The following TNFSF4 variants were observed in gnomAD, a reference collection of about 807,000 sequenced individuals.
TNFSF4 encodes tumor necrosis factor ligand superfamily member 4.
TNFSF4 carries 4 observed loss-of-function variants against 7.3 expected under a neutral mutation model. The observed-to-expected ratio is 0.55, with a 90% CI of 0.27 to 1.25. TNFSF4 has a LOEUF of 1.25. Ranked by LOEUF, TNFSF4 falls within the 50% of genes most tolerant of loss-of-function variation. The pLI is 0.12. For synonymous variants in TNFSF4, 76 were observed against 83.7 expected, an observed-to-expected ratio of 0.91 and a Z score of 0.50; for missense variants, 181 against 208.8, an observed-to-expected ratio of 0.87 and a Z score of 0.82.
the TNFSF4 span, chr1:173,175,222 G>A: frequency 6.6e-6 from 1 of 152,158 alleles, no homozygotes; most frequent in African/African-American, 2.4e-5. Context: ...TAAAACCAGA[G>A]GATACAGCTG....
chr1:173,231,267 C>A, the TNFSF4 span, among the ~76,000 whole-genome samples: 2 of 152,188 alleles, frequency 1.3e-5, no homozygotes, highest in East Asian at 1.9e-4. Flanking sequence ...GGGCTTCACC[C>A]CTGGGATGCA....
chr1:173,378,418 G>C, the TNFSF4 span, among the ~76,000 whole-genome samples: 1 of 152,176 alleles, frequency 6.6e-6, no homozygotes, highest in South Asian at 2.1e-4. Context: ...CCAAAACCAC[G>C]GGCGGTTTGT....
At chr1:173,224,089 G>T in the TNFSF4 span, among the ~76,000 whole-genome samples, 7 of 152,176 alleles carry the variant, frequency 4.6e-5, no homozygotes, top group Admixed American at 4.6e-4. Context: ...GCCCTAAGCA[G>T]CACTAGGGTA....
At chr1:173,406,687 G>C in the TNFSF4 span, among the ~76,000 whole-genome samples, 1 of 152,038 alleles carries the variant, frequency 6.6e-6, no homozygotes, top group African/African-American at 2.4e-5. Flanking sequence ...AATTACCCTG[G>C]GCCCTGGGCT....
At chr1:173,218,310 T>C in the TNFSF4 span, among the ~76,000 whole-genome samples, 3 of 152,188 alleles carry the variant, frequency 2.0e-5, no homozygotes, top group Non-Finnish European at 4.4e-5. Context: ...TATTCCAGAC[T>C]GACCTCTCTA....
At chr1:173,374,092 T>C in the TNFSF4 span, among the ~76,000 whole-genome samples, 1 of 152,198 alleles carries the variant, frequency 6.6e-6, no homozygotes, top group East Asian at 1.9e-4. Context: ...CTCTTGCCCA[T>C]GCCCTTGTTA....
At chr1:173,209,813 T>C (rs1374680034), upstream of TNFSF4, among the ~76,000 whole-genome samples, 5 of 152,184 alleles carry the variant, frequency 3.3e-5, no homozygotes, top group Non-Finnish European at 7.3e-5. Flanking sequence ...GCAATTTTTC[T>C]TAAAGTATCT....
chr1:173,250,590 G>T, the TNFSF4 span, among the ~76,000 whole-genome samples: 1 of 152,004 alleles, frequency 6.6e-6, no homozygotes, highest in Non-Finnish European at 1.5e-5. Context: ...CTCCCGAGTA[G>T]CTGGGACTAC....
At chr1:173,377,650 T>C in the TNFSF4 span, among the ~76,000 whole-genome samples, 1 of 152,358 alleles carries the variant, frequency 6.6e-6, no homozygotes, top group Middle Eastern at 3.4e-3. Context: ...GGTGCTTTTC[T>C]AGTTTCTCCT....
the TNFSF4 span, among the ~76,000 whole-genome samples, chr1:173,342,631 G>A: frequency 2.0e-5 from 3 of 152,096 alleles, no homozygotes; most frequent in African/African-American, 7.2e-5. Context: ...GTCAGTAAAG[G>A]TTCCAAATTT....
chr1:173,239,637 A>G, the TNFSF4 span, among the ~76,000 whole-genome samples: 19,830 of 152,224 alleles, frequency 0.13, 1,437 homozygotes, highest in South Asian at 0.17. Flanking sequence ...AGAAAGGTGC[A>G]GGTCTCTTGT....
the TNFSF4 span, among the ~76,000 whole-genome samples, chr1:173,368,037 T>G: frequency 6.6e-6 from 1 of 152,288 alleles, no homozygotes; most frequent in Admixed American, 6.5e-5. Context: ...ATCAGTGCTC[T>G]GTAAAATGCA....
At chr1:173,210,811 G>A (rs1399638968), upstream of TNFSF4, among the ~76,000 whole-genome samples, 1 of 152,152 alleles carries the variant, frequency 6.6e-6, no homozygotes, top group Non-Finnish European at 1.5e-5. Flanking sequence ...TGCCAGCTGA[G>A]GGAATGAGTG....
chr1:173,238,473 T>C, the TNFSF4 span, among the ~76,000 whole-genome samples: 5 of 149,206 alleles, frequency 3.4e-5, no homozygotes, highest in African/African-American at 1.2e-4. Flanking sequence ...ACAGGCAACC[T>C]ACAGAATGGG....
At chr1:173,418,245 A>C in the TNFSF4 span, 2 of 152,350 alleles carry the variant, frequency 1.3e-5, no homozygotes, top group Non-Finnish European at 2.9e-5. Flanking sequence ...CACGGCACCA[A>C]TGGATCTATG....
the TNFSF4 span, among the ~76,000 whole-genome samples, chr1:173,236,384 G>A: frequency 2.0e-5 from 3 of 151,142 alleles, no homozygotes; most frequent in Admixed American, 6.6e-5. Context: ...AGTGTTTTCT[G>A]GGGCTTCCTG....
chr1:173,238,049 T>C, the TNFSF4 span, among the ~76,000 whole-genome samples: 1 of 152,010 alleles, frequency 6.6e-6, no homozygotes, highest in South Asian at 2.1e-4. Flanking sequence ...GGTACTGGTA[T>C]AAAAACAGAC....
chr1:173,420,695 T>C, the TNFSF4 span, among the ~76,000 whole-genome samples: 5 of 152,320 alleles, frequency 3.3e-5, no homozygotes, highest in Admixed American at 2.6e-4. Context: ...AAAAACTAAA[T>C]ATAATTTAAA....
At chr1:173,193,548 A>G (rs187103817) in intron 1 of TNFSF4, among the ~76,000 whole-genome samples, 3 of 152,348 alleles carry the variant, frequency 2.0e-5, no homozygotes, top group Admixed American at 1.3e-4. Flanking sequence ...AGTAATTTTT[A>G]TTATACCACA....
Sources: gnomAD v4.1 joint callset for allele counts (sites outside exome capture counted in the v4.1 genomes callset) on GRCh38, gnomAD v4.1.1 for gene constraint, MANE v1.5 for transcripts, NCBI Gene and HGNC (gene_info 2026-07-23, HGNC 2026-07-21) for gene names.